Variants in PCDHA13 observed in about 807,000 individuals in gnomAD.
The protein encoded by PCDHA13 is protocadherin alpha-13.
Under a neutral mutation model 64.8 loss-of-function variants are expected in PCDHA13, and 54 were observed. The observed-to-expected ratio is 0.83, with a 90% CI of 0.67 to 1.04. PCDHA13 has a LOEUF of 1.04. PCDHA13 is among the 50% of genes least tolerant of loss of function. The pLI, the probability that PCDHA13 is intolerant of heterozygous loss-of-function variation, is 0.00. For synonymous variants in PCDHA13, 587 were observed against 564.4 expected (o/e 1.04, Z -0.57); for missense variants, 1,248 against 1,254.3 (o/e 0.99, Z 0.08).
At chr5:140,958,578 A>G (rs2095431763) in intron 1 of PCDHA13, among the ~76,000 whole-genome samples, 1 of 152,206 alleles carries the variant, frequency 6.6e-6, no homozygotes, top group Non-Finnish European at 1.5e-5. Context: ...TGAGATTTTA[A>G]ATGAGCTTAT....
intron 1 of PCDHA13, among the ~76,000 whole-genome samples, chr5:140,954,317 G>A (rs571385484): frequency 2.6e-5 from 4 of 152,292 alleles, no homozygotes; most frequent in East Asian, 3.9e-4. Context: ...GGATTGCTGC[G>A]TCAAATGGTA....
At chr5:141,001,997 C>G (rs2098052259) in intron 3 of PCDHA13, among the ~76,000 whole-genome samples, 1 of 152,190 alleles carries the variant, frequency 6.6e-6, no homozygotes, top group Admixed American at 6.5e-5. Context: ...AGTTCACTTG[C>G]AAACACAGAA....
At position 140,883,451 on chromosome 5, in the gene PCDHA13, T is replaced by A. The variant is rs2153394032; in HGVS notation, c.1183T>A (p.Phe395Ile). 1 of 1,614,144 alleles carries A rather than the reference T, an allele frequency of 6.2e-7. No individual in the cohort carries two copies. The highest frequency in any genetic ancestry group is 8.5e-7 in the Non-Finnish European group (1 of 1,180,026). ...VTCTLTPHVP[F>I]KLVSTYKNYY... is the part of the protein sequence containing the mutation. ...CTGCACCTTGACGCCGCATGTCCCC[T>A]TCAAGCTGGTGTCCACCTACAAGAA... Residue 395 changes from phenylalanine (F) to isoleucine (I), a missense_variant, in exon 1 of 4, where the codon TTC (phenylalanine) becomes ATC (isoleucine). Physicochemically the swap from Phe to Ile is conservative, Grantham distance 21 (BLOSUM62 0). Transcript: ENST00000289272.
chr5:140,886,944 C>A (rs577897989), intron 1 of PCDHA13, among the ~76,000 whole-genome samples: 2 of 152,010 alleles, frequency 1.3e-5, no homozygotes, highest in African/African-American at 4.8e-5. Context: ...ATGTTCTACA[C>A]ATTAGACATT....
intron 1 of PCDHA13, chr5:140,928,422 A>T (rs782264875): frequency 1.2e-6 from 2 of 1,614,136 alleles, no homozygotes; most frequent in Admixed American, 3.3e-5. Context: ...TCACTGCCAA[A>T]ACTTCCTTTG....
chr5:140,998,664 A>C (rs1204598567), intron 3 of PCDHA13, among the ~76,000 whole-genome samples: 1 of 151,936 alleles, frequency 6.6e-6, no homozygotes, highest in Non-Finnish European at 1.5e-5. Flanking sequence ...TCCTGGGTTC[A>C]AGTGATTCTC....
chr5:140,899,056 G>C (rs1370417194), intron 1 of PCDHA13, among the ~76,000 whole-genome samples: 14 of 152,060 alleles, frequency 9.2e-5, no homozygotes, highest in Non-Finnish European at 2.9e-5. Flanking sequence ...CTGAGACTTT[G>C]CTGAAGTTGC....
chr5:140,893,138 A>G (rs1336386852), intron 1 of PCDHA13, among the ~76,000 whole-genome samples: 1 of 152,142 alleles, frequency 6.6e-6, no homozygotes, highest in Non-Finnish European at 1.5e-5. Context: ...TTCTTTATCC[A>G]CTCATCTGTT....
rs188500854 is a variant in PCDHA13 at position 140,955,348 on chromosome 5, G to C, written c.2395-23601G>C. ...GTAGTTCCCATAATCCCCACATGTT[G>C]TGAGAGGGACCCAGTGGGAGGTAAT... On this transcript the variant is annotated intron_variant, in intron 1 of 3. Coordinates refer to ENST00000289272, the MANE Select transcript of PCDHA13 (RefSeq NM_018904.3). Among the ~76,000 whole-genome samples the C allele has an allele frequency of 1.6e-4, 24 of 152,204 alleles. No individual in the cohort carries two copies. The East Asian group carries it at 2.7e-3, about 17-fold the overall frequency.
At chr5:140,916,367 CT>C (rs1359695566) in intron 1 of PCDHA13, among the ~76,000 whole-genome samples, 1 of 152,196 alleles carries the variant, frequency 6.6e-6, no homozygotes, top group Non-Finnish European at 1.5e-5. Flanking sequence ...GAGTCTTTCA[CT>C]GTAGCCACCA....
chr5:140,979,522 A>G (rs576025092), intron 2 of PCDHA13, among the ~76,000 whole-genome samples: 1 of 152,098 alleles, frequency 6.6e-6, no homozygotes, highest in South Asian at 2.1e-4. Context: ...ATCTGTTGCT[A>G]TCTTATTGTC....
At chr5:140,923,480 C>G (rs1554201462) in intron 1 of PCDHA13, among the ~76,000 whole-genome samples, 1 of 152,064 alleles carries the variant, frequency 6.6e-6, no homozygotes, top group African/African-American at 2.4e-5. Context: ...AGTGAGCCAT[C>G]TTCACACCAC....
intron 1 of PCDHA13, among the ~76,000 whole-genome samples, chr5:140,964,823 G>A (rs541084771): frequency 2.6e-5 from 4 of 152,218 alleles, no homozygotes; most frequent in Non-Finnish European, 1.5e-5. Context: ...AGATTTTGAT[G>A]AAAATTGCTT....
chr5:140,901,177 G>T (rs2068485979), intron 1 of PCDHA13, among the ~76,000 whole-genome samples: 1 of 152,034 alleles, frequency 6.6e-6, no homozygotes, highest in African/African-American at 2.4e-5. Flanking sequence ...TCACTTTGTT[G>T]ATTGTTTGCT....
chr5:140,931,626 A>G (rs1048704969), intron 1 of PCDHA13, among the ~76,000 whole-genome samples: 1 of 152,052 alleles, frequency 6.6e-6, no homozygotes, highest in Non-Finnish European at 1.5e-5. Flanking sequence ...CTTTTTAGGT[A>G]GCTCATTGGT....
chr5:140,946,353 A>C (rs2093933429), intron 1 of PCDHA13, among the ~76,000 whole-genome samples: 1 of 151,910 alleles, frequency 6.6e-6, no homozygotes, highest in Admixed American at 6.6e-5. Context: ...GAGGATGTGG[A>C]GAAAAGGGAA....
chr5:140,985,901 G>A (rs995663051), intron 3 of PCDHA13, among the ~76,000 whole-genome samples: 3 of 151,818 alleles, frequency 2.0e-5, no homozygotes, highest in Non-Finnish European at 2.9e-5. Flanking sequence ...CACCACTCCC[G>A]TCTAATTTTT....
chr5:140,934,209 C>G (rs1554209791), intron 1 of PCDHA13, among the ~76,000 whole-genome samples: 1 of 152,068 alleles, frequency 6.6e-6, no homozygotes, highest in Non-Finnish European at 1.5e-5. Context: ...TTTCCTCACA[C>G]AAAATGTTTA....
At chr5:140,960,680 G>A (rs192174088) in intron 1 of PCDHA13, among the ~76,000 whole-genome samples, 2 of 152,162 alleles carry the variant, frequency 1.3e-5, no homozygotes, top group African/African-American at 4.8e-5. Context: ...AAACCTACTT[G>A]GGAATGAGGG....
Sources: gnomAD v4.1 joint callset for allele counts (sites outside exome capture counted in the v4.1 genomes callset) on GRCh38, gnomAD v4.1.1 for gene constraint, MANE v1.5 for transcripts, NCBI Gene and HGNC (gene_info 2026-07-23, HGNC 2026-07-21) for gene names.